Variants in LRFN2 observed in about 807,000 individuals in gnomAD.
LRFN2 encodes leucine-rich repeat and fibronectin type-III domain-containing protein 2.
LRFN2 carries 18 observed loss-of-function variants against 37.3 expected under a neutral mutation model. The observed-to-expected ratio is 0.48, with a 90% CI of 0.33 to 0.72. The LOEUF (loss-of-function observed/expected upper bound fraction) is 0.72, where lower values mean the gene tolerates loss of function less well. Ranked by LOEUF, LRFN2 falls within the 30% of genes least tolerant of loss-of-function variation. The pLI is 0.02. For synonymous variants in LRFN2, 556 were observed against 466.6 expected (o/e 1.19, Z -2.47); for missense variants, 1,006 against 1,060.7 (o/e 0.95, Z 0.72).
intron 1 of LRFN2, among the ~76,000 whole-genome samples, chr6:40,568,736 T>TCCTTCC (rs1767135576): frequency 1.1e-5 from 1 of 87,728 alleles, no homozygotes; most frequent in African/African-American, 4.6e-5. Context: ...TCCTTCCTTT[T>TCCTTCC]TTGAGACGGA....
chr6:40,490,070 A>C (rs1329758550), intron 1 of LRFN2, among the ~76,000 whole-genome samples: 3 of 152,098 alleles, frequency 2.0e-5, no homozygotes, highest in African/African-American at 4.8e-5. Flanking sequence ...AGTCAGCTCC[A>C]GGGGGAAGAA....
Position 40,514,320 on chromosome 6 carries a change from T to G in LRFN2, c.-19+72621A>C, listed in dbSNP as rs181767696. ...ATGTTATATGAGTTTTTTTTGTTTG[T>G]TTTGTTTTTTTCTAGACGGAATCTT... On this transcript the variant is annotated intron_variant, in intron 1 of 2. Coordinates refer to ENST00000338305, the MANE Select transcript of LRFN2 (RefSeq NM_020737.3). Among the ~76,000 whole-genome samples the G allele has an allele frequency of 6.9e-4, 105 of 152,204 alleles. 1 individual carries two copies. Among genetic ancestry groups the G allele is most frequent in the African/African-American group, 2.3e-3 (95 of 41,538 alleles).
intron 1 of LRFN2, among the ~76,000 whole-genome samples, chr6:40,444,325 C>A (rs1374716410): frequency 6.6e-6 from 1 of 152,120 alleles, no homozygotes; most frequent in Non-Finnish European, 1.5e-5. Flanking sequence ...AGAAATTAAT[C>A]CATTGGAAAC....
At chr6:40,545,789 G>A (rs777510411) in intron 1 of LRFN2, among the ~76,000 whole-genome samples, 2 of 152,184 alleles carry the variant, frequency 1.3e-5, no homozygotes, top group African/African-American at 2.4e-5. Flanking sequence ...GGTCTCATGA[G>A]ATGAAAAGGT....
Position 40,432,791 on chromosome 6 carries a change from T to C in LRFN2, c.323A>G (p.Asp108Gly). 6.2e-7 allele frequency: 1 copy of C among 1,614,152 alleles called. No homozygotes were observed. Among genetic ancestry groups the C allele is most frequent in the Non-Finnish European group, 8.5e-7 (1 of 1,180,034 alleles). The change falls in exon 2 of 3, where the codon GAC becomes GGC. Residue 108 changes from aspartate (D) to glycine (G), a missense_variant. Coordinates refer to ENST00000338305, the MANE Select transcript of LRFN2 (RefSeq NM_020737.3). ...CCCAAGGCTTGGCAGCCGATTGCTG[T>C]CAAGATGCAGGGAGCGGAGGCTCTC... ...DLESLRSLHL[D>G]SNRLPSLGED...
At chr6:40,486,498 G>A (rs1473331460) in intron 1 of LRFN2, among the ~76,000 whole-genome samples, 1 of 152,150 alleles carries the variant, frequency 6.6e-6, no homozygotes, top group Admixed American at 6.5e-5. Flanking sequence ...TGATGGGCTT[G>A]GGGGGATGGC....
At chr6:40,537,030 G>A (rs976305475) in intron 1 of LRFN2, among the ~76,000 whole-genome samples, 25 of 152,220 alleles carry the variant, frequency 1.6e-4, no homozygotes, top group Non-Finnish European at 2.9e-4. Context: ...AGGCACGGAG[G>A]GTTGACATAC....
intron 1 of LRFN2, among the ~76,000 whole-genome samples, chr6:40,531,873 C>T (rs1036679809): frequency 1.3e-5 from 2 of 152,160 alleles, no homozygotes; most frequent in Non-Finnish European, 2.9e-5. Flanking sequence ...TGACACAACC[C>T]ATCAGTGCCA....
At chr6:40,475,423 C>T (rs939074747) in intron 1 of LRFN2, among the ~76,000 whole-genome samples, 2 of 151,942 alleles carry the variant, frequency 1.3e-5, no homozygotes, top group Admixed American at 1.3e-4. Flanking sequence ...TGTGTGCAGG[C>T]GAGGAAGGTG....
Position 40,461,791 on chromosome 6 carries a change from C to A in LRFN2, c.-18-28660G>T, listed in dbSNP as rs574583107. On this transcript the variant is annotated intron_variant, in intron 1 of 2. Coordinates refer to ENST00000338305, the MANE Select transcript of LRFN2 (RefSeq NM_020737.3). The stretch of plus-strand genomic sequence containing the variant: ...GACATGAAAGAAGATGACACAAAAC[C>A]TTTAGTAGCAGCAATGAGAGACTGC... 5.9e-5 allele frequency among the ~76,000 whole-genome samples: 9 copies of A among 152,164 alleles called. No individual in the cohort carries two copies. The South Asian group carries it at 1.7e-3, about 28-fold the overall frequency.
At chr6:40,502,965 C>A (rs1359591961) in intron 1 of LRFN2, among the ~76,000 whole-genome samples, 2 of 152,206 alleles carry the variant, frequency 1.3e-5, no homozygotes, top group Admixed American at 6.5e-5. Context: ...AGCATGCCAG[C>A]AGTGAGAGGA....
chr6:40,489,497 A>G (rs1039123528), intron 1 of LRFN2, among the ~76,000 whole-genome samples: 9 of 152,142 alleles, frequency 5.9e-5, no homozygotes, highest in Admixed American at 5.9e-4. Flanking sequence ...GTGAAGGGAG[A>G]TTGTGCCTGG....
At chr6:40,544,746 G>A (rs2113918365) in intron 1 of LRFN2, among the ~76,000 whole-genome samples, 1 of 152,314 alleles carries the variant, frequency 6.6e-6, no homozygotes, top group East Asian at 1.9e-4. Flanking sequence ...GCAGCGCTGA[G>A]GATAACCTGC....
chr6:40,469,521 G>C (rs1764547435), intron 1 of LRFN2, among the ~76,000 whole-genome samples: 1 of 152,174 alleles, frequency 6.6e-6, no homozygotes, highest in Admixed American at 6.5e-5. Context: ...TCCACCCCAT[G>C]TCTGATTCTG....
At chr6:40,521,477 A>T (rs2113900376) in intron 1 of LRFN2, among the ~76,000 whole-genome samples, 1 of 152,376 alleles carries the variant, frequency 6.6e-6, no homozygotes, top group South Asian at 2.1e-4. Context: ...ATTTTGCAAA[A>T]TGCATTTGCC....
chr6:40,464,563 T>C (rs1167147831), intron 1 of LRFN2, among the ~76,000 whole-genome samples: 1 of 152,176 alleles, frequency 6.6e-6, no homozygotes, highest in East Asian at 1.9e-4. Flanking sequence ...CTCTGTTCCT[T>C]ATAAATTATC....
In LRFN2 at chr6:40,391,598, A is replaced by T. The variant is rs541425424; in HGVS notation, c.*345T>A. 11 of 202,100 alleles carry T rather than the reference A, an allele frequency of 5.4e-5. No homozygotes were observed. The highest frequency in any genetic ancestry group is 2.5e-4 in the African/African-American group (11 of 43,642). 12.5% of individuals were successfully genotyped at this position (202,100 alleles called of 1,614,324 possible). ...AAGAGGAGGAGTCTGGGAAATGGAA[A>T]AAAAATAAATTAAGAAATAAAAACA... is the stretch of plus-strand genomic sequence containing the variant. On this transcript the variant is annotated 3_prime_UTR_variant, in exon 3 of 3. Transcript: ENST00000338305.
intron 2 of LRFN2, among the ~76,000 whole-genome samples, chr6:40,397,799 C>T (rs941976968): frequency 2.7e-5 from 4 of 147,240 alleles, no homozygotes; most frequent in Non-Finnish European, 3.1e-5. Context: ...CGAGGTGTTA[C>T]GTCTGCCTCA....
At chr6:40,557,496 A>G (rs1464554223) in intron 1 of LRFN2, among the ~76,000 whole-genome samples, 3 of 152,136 alleles carry the variant, frequency 2.0e-5, no homozygotes, top group Non-Finnish European at 4.4e-5. Context: ...TGAATGTTCC[A>G]TTGGGTTTGG....
Sources: allele counts gnomAD v4.1 joint callset (sites outside exome capture counted in the v4.1 genomes callset), GRCh38; gene constraint gnomAD v4.1.1; transcripts MANE v1.5; gene names NCBI Gene and HGNC (gene_info 2026-07-23, HGNC 2026-07-21).